CALD1: variants seen among roughly 807,000 people sequenced by gnomAD.
CALD1 encodes caldesmon.
Under a neutral mutation model 99.9 loss-of-function variants are expected in CALD1, and 33 were observed. The observed-to-expected ratio is 0.33, with a 90% CI of 0.25 to 0.44. The LOEUF is 0.44. Among genes scored for constraint, CALD1 ranks in the 20% least tolerant of loss-of-function variants. The pLI is 1.00. For synonymous variants in CALD1, 310 were observed against 325.0 expected (o/e 0.95, Z 0.50); for missense variants, 861 against 962.1 (o/e 0.89, Z 1.39).
chr7:134,847,814 G>A (rs963644541), intron 2 of CALD1, among the ~76,000 whole-genome samples: 45 of 152,204 alleles, frequency 3.0e-4, no homozygotes, highest in African/African-American at 1.1e-3. Context: ...AACGGTGCCA[G>A]GAGCTCTTGT....
At chr7:134,877,668 T>G (rs2132401827) in intron 3 of CALD1, among the ~76,000 whole-genome samples, 1 of 152,332 alleles carries the variant, frequency 6.6e-6, no homozygotes, top group East Asian at 1.9e-4. Flanking sequence ...ACTATGTACA[T>G]AGCATTTATA....
intron 1 of CALD1, among the ~76,000 whole-genome samples, chr7:134,841,204 G>A (rs957253592): frequency 6.6e-5 from 10 of 152,032 alleles, no homozygotes; most frequent in African/African-American, 1.9e-4. Flanking sequence ...TAAATGACTC[G>A]TACAAGGTCA....
In CALD1 at chr7:134,902,728, G is replaced by A. The variant is rs547785117; in HGVS notation, c.72-26026G>A. 2.0e-5 allele frequency among the ~76,000 whole-genome samples: 3 copies of A among 152,306 alleles called. No individual in the cohort carries two copies. In the South Asian group the frequency reaches 6.2e-4, roughly 32 times the overall value. ...AAGTCAGGTGGACTGCCGCTTCAGTGTAATGAACCACTCACCTGAATAAAC... is the reference window on the plus strand; with the variant it reads ...AAGTCAGGTGGACTGCCGCTTCAGTATAATGAACCACTCACCTGAATAAAC... On this transcript the variant is annotated intron_variant, in intron 3 of 14. Transcript: ENST00000361675.
chr7:134,868,274 G>A (rs1035350357), intron 3 of CALD1: 5 of 157,316 alleles, frequency 3.2e-5, no homozygotes, highest in Non-Finnish European at 5.6e-5. Context: ...TCCAACTCTA[G>A]GGATCTGCAT....
At chr7:134,871,711 T>C (rs1801087281) in intron 3 of CALD1, among the ~76,000 whole-genome samples, 1 of 152,204 alleles carries the variant, frequency 6.6e-6, no homozygotes, top group East Asian at 1.9e-4. Flanking sequence ...TCCTTACCCA[T>C]AAAAGCTTTT....
intron 4 of CALD1, among the ~76,000 whole-genome samples, chr7:134,930,896 G>A (rs1259055293): frequency 6.6e-6 from 1 of 152,168 alleles, no homozygotes; most frequent in Non-Finnish European, 1.5e-5. Flanking sequence ...AGCTGAGAGA[G>A]AAATAATAGA....
At chr7:134,960,508 AT>A (rs1409236839) in intron 12 of CALD1, 24 bp from the exon 13 acceptor site, 1 of 1,404,012 alleles carries the variant, frequency 7.1e-7, no homozygotes, top group East Asian at 2.3e-5. Flanking sequence ...ATTCTTTAAT[AT>A]TTTGGATGAT....
chr7:134,831,746 G>A (rs1014434771), intron 1 of CALD1, among the ~76,000 whole-genome samples: 1 of 152,196 alleles, frequency 6.6e-6, no homozygotes, highest in Non-Finnish European at 1.5e-5. Context: ...GTTAGTGGAA[G>A]AGATCCGAGT....
intron 1 of CALD1, among the ~76,000 whole-genome samples, chr7:134,799,570 C>T (rs1041247661): frequency 2.0e-5 from 3 of 152,174 alleles, no homozygotes; most frequent in African/African-American, 7.2e-5. Context: ...AGCATTTCTA[C>T]AGGTGTGGCT....
At chr7:134,787,895 G>A (rs1797368937) in intron 1 of CALD1, among the ~76,000 whole-genome samples, 2 of 152,102 alleles carry the variant, frequency 1.3e-5, no homozygotes, top group Non-Finnish European at 2.9e-5. Context: ...GGTTTAGAGG[G>A]CAGGTGCTTC....
At chr7:134,834,615 G>A (rs1420214428) in intron 1 of CALD1, among the ~76,000 whole-genome samples, 1 of 152,128 alleles carries the variant, frequency 6.6e-6, no homozygotes, top group Non-Finnish European at 1.5e-5. Flanking sequence ...CTGACCTCCA[G>A]GGTTTCTATG....
In CALD1 at chr7:134,928,746, T is replaced by C; in HGVS notation, c.72-8T>C. The C allele has an allele frequency of 1.9e-6, 3 of 1,612,660 alleles. No homozygotes were observed. Among genetic ancestry groups the C allele is most frequent in the Admixed American group, 1.7e-5 (1 of 59,842 alleles). Reference sequence around the variant, plus strand: ...CACGCTCAAGAGGTTGTCTTTGTAATGTTGCAGAATCGCCTACCAGAGGAA... The same window carrying C: ...CACGCTCAAGAGGTTGTCTTTGTAACGTTGCAGAATCGCCTACCAGAGGAA... On this transcript the variant is annotated splice_polypyrimidine_tract_variant and splice_region_variant and intron_variant, in intron 3 of 14. Transcript: ENST00000361675.
chr7:134,745,897 G>C (rs916849079), intron 1 of CALD1, among the ~76,000 whole-genome samples: 1 of 152,102 alleles, frequency 6.6e-6, no homozygotes, highest in African/African-American at 2.4e-5. Flanking sequence ...GAAGATTTTG[G>C]AAACCCTTTT....
intron 2 of CALD1, among the ~76,000 whole-genome samples, chr7:134,853,862 C>T (rs1257241794): frequency 8.1e-5 from 3 of 37,240 alleles, no homozygotes; most frequent in Non-Finnish European, 1.6e-4. Context: ...TCCCGTAGCC[C>T]CCCACCCCCA....
intron 1 of CALD1, among the ~76,000 whole-genome samples, chr7:134,828,605 C>T (rs1400183211): frequency 6.6e-6 from 1 of 152,056 alleles, no homozygotes; most frequent in Non-Finnish European, 1.5e-5. Context: ...CTGAGTAATC[C>T]TAGACACTGG....
chr7:134,850,995 A>G (rs981914892), intron 2 of CALD1, among the ~76,000 whole-genome samples: 1 of 152,128 alleles, frequency 6.6e-6, no homozygotes, highest in Non-Finnish European at 1.5e-5. Flanking sequence ...ACCTTCCACC[A>G]TGATTGTGAG....
chr7:134,960,239 A>T, intron 12 of CALD1, 128 bp downstream of exon 12: 1 of 1,094,468 alleles, frequency 9.1e-7, no homozygotes, highest in Middle Eastern at 2.1e-4. Context: ...TTTGTTTTGC[A>T]ATGACCACAA....
intron 3 of CALD1, among the ~76,000 whole-genome samples, chr7:134,873,700 C>T (rs1801212323): frequency 6.6e-6 from 1 of 152,164 alleles, no homozygotes; most frequent in Admixed American, 6.5e-5. Flanking sequence ...AGTGTCAAAT[C>T]CCAGCTCTGC....
At chr7:134,962,519 A>C (rs1808357127) in intron 13 of CALD1, 1 of 241,266 alleles carries the variant, frequency 4.1e-6, no homozygotes, top group South Asian at 5.6e-5. Flanking sequence ...TTTTAGTGAG[A>C]TCCTTCTTCC....
Sources: gnomAD v4.1 joint callset for allele counts (sites outside exome capture counted in the v4.1 genomes callset) on GRCh38, gnomAD v4.1.1 for gene constraint, MANE v1.5 for transcripts, NCBI Gene and HGNC (gene_info 2026-07-23, HGNC 2026-07-21) for gene names.